The following MAP6 variants were observed in gnomAD, a reference collection of about 807,000 sequenced individuals.
MAP6 encodes the protein microtubule associated protein 6, also known as microtubule-associated protein 6.
A neutral mutation model predicts 42.4 loss-of-function variants in MAP6; 26 were observed. The observed-to-expected ratio is 0.61, with a 90% CI of 0.45 to 0.85. MAP6 has a LOEUF of 0.85. Ranked by LOEUF, MAP6 falls within the 40% of genes least tolerant of loss-of-function variation. The pLI is 0.00. For synonymous variants in MAP6, 418 were observed against 443.8 expected, an observed-to-expected ratio of 0.94 and a Z score of 0.73; for missense variants, 966 against 1,099.0, an observed-to-expected ratio of 0.88 and a Z score of 1.71.
At chr11:75,598,291 G>C (rs539615763) in intron 3 of MAP6, among the ~76,000 whole-genome samples, 174 of 152,304 alleles carry the variant, frequency 1.1e-3, no homozygotes, top group African/African-American at 4.0e-3. Flanking sequence ...TTAGAACCAG[G>C]CCTGTTGGTT....
chr11:75,641,836 T>C (rs749191596), intron 1 of MAP6, among the ~76,000 whole-genome samples: 9 of 152,186 alleles, frequency 5.9e-5, no homozygotes, highest in Non-Finnish European at 1.0e-4. Context: ...AGAATTCTAC[T>C]CAACCCCCAG....
intron 3 of MAP6, chr11:75,604,707 G>C (rs1450137921): frequency 2.0e-6 from 2 of 985,334 alleles, no homozygotes; most frequent in African/African-American, 3.5e-5. Flanking sequence ...ACACGACACG[G>C]AATATACTGA....
chr11:75,610,237 G>A (rs1590766429), intron 1 of MAP6, among the ~76,000 whole-genome samples: 1 of 152,104 alleles, frequency 6.6e-6, no homozygotes, highest in East Asian at 1.9e-4. Flanking sequence ...TCTGTTATAG[G>A]CAACAGAAAA....
At chr11:75,589,390 G>A (rs888533540) in intron 3 of MAP6, among the ~76,000 whole-genome samples, 1 of 152,208 alleles carries the variant, frequency 6.6e-6, no homozygotes, top group Admixed American at 6.5e-5. Context: ...AGGCCATGTT[G>A]GAAGTCGAGA....
At chr11:75,653,760 A>C (rs939866622) in intron 1 of MAP6, among the ~76,000 whole-genome samples, 3 of 152,248 alleles carry the variant, frequency 2.0e-5, no homozygotes, top group African/African-American at 7.2e-5. Flanking sequence ...TGGACTAAAA[A>C]AATACACATA....
chr11:75,647,343 T>A (rs1241859023), intron 1 of MAP6, among the ~76,000 whole-genome samples: 3 of 45,546 alleles, frequency 6.6e-5, no homozygotes, highest in African/African-American at 2.0e-4. Flanking sequence ...AAAACCCACC[T>A]GATCAAAAAA....
chr11:75,599,314 C>T (rs950488523), intron 3 of MAP6, among the ~76,000 whole-genome samples: 1 of 152,102 alleles, frequency 6.6e-6, no homozygotes, highest in South Asian at 2.1e-4. Flanking sequence ...ATTCCACTGG[C>T]TGAAATAAAA....
chr11:75,657,865 C>T (rs1297755810), intron 1 of MAP6, among the ~76,000 whole-genome samples: 1 of 152,188 alleles, frequency 6.6e-6, no homozygotes, highest in Non-Finnish European at 1.5e-5. Context: ...CTTGTGATTA[C>T]ACTGAACCCA....
At chr11:75,608,597 T>C (rs1054659621) in intron 1 of MAP6, among the ~76,000 whole-genome samples, 1 of 152,220 alleles carries the variant, frequency 6.6e-6, no homozygotes, top group Non-Finnish European at 1.5e-5. Context: ...CAGGCAATTC[T>C]AATCTTCAGG....
In MAP6 at chr11:75,668,199, G is replaced by C; in HGVS notation, c.171C>G (p.Leu57=). The C allele has an allele frequency of 7.9e-7, 1 of 1,258,158 alleles. No individual in the cohort carries two copies. Among genetic ancestry groups the C allele is most frequent in the Non-Finnish European group, 9.9e-7 (1 of 1,009,760 alleles). 77.9% of individuals were successfully genotyped at this position (1,258,158 alleles called of 1,614,324 possible). ...PPPQQQAQPA[L]APPSARAVAI... is the part of the protein sequence containing the mutation. ...CAACCGCGCGCGCCGAGGGGGGCGCGAGCGCCGGCTGCGCCTGCTGCTGCG... is the reference window on the plus strand; with the variant it reads ...CAACCGCGCGCGCCGAGGGGGGCGCCAGCGCCGGCTGCGCCTGCTGCTGCG... Residue 57 remains leucine (L), a synonymous_variant, in exon 1 of 4, where the codon CTC becomes CTG. Transcript: ENST00000304771.
chr11:75,652,820 T>C (rs1000147756), intron 1 of MAP6, among the ~76,000 whole-genome samples: 2 of 150,130 alleles, frequency 1.3e-5, no homozygotes, highest in Non-Finnish European at 3.0e-5. Context: ...GCCTGGGCGA[T>C]TGAGACTCCA....
chr11:75,617,536 A>G (rs896034044), intron 1 of MAP6, among the ~76,000 whole-genome samples: 1 of 150,658 alleles, frequency 6.6e-6, no homozygotes, highest in African/African-American at 2.4e-5. Context: ...AAAAAAAAAA[A>G]AAAAACCCAA....
intron 3 of MAP6, among the ~76,000 whole-genome samples, chr11:75,590,976 A>T (rs1565251807): frequency 6.6e-6 from 1 of 152,154 alleles, no homozygotes; most frequent in Non-Finnish European, 1.5e-5. Context: ...CCAGGAAAAA[A>T]AAAAAGAAAA....
intron 3 of MAP6, chr11:75,603,539 T>C: frequency 1.0e-6 from 1 of 974,840 alleles, no homozygotes; most frequent in Non-Finnish European, 1.2e-6. Flanking sequence ...AAAGACATGC[T>C]ACAGGTCCTC....
intron 3 of MAP6, among the ~76,000 whole-genome samples, chr11:75,590,315 G>GA (rs1225287329): frequency 6.6e-6 from 1 of 151,698 alleles, no homozygotes; most frequent in African/African-American, 2.4e-5. Flanking sequence ...AGGGACAAAA[G>GA]AAAAAAAAGG....
chr11:75,630,701 T>C (rs1246943943), intron 1 of MAP6, among the ~76,000 whole-genome samples: 1 of 152,226 alleles, frequency 6.6e-6, no homozygotes, highest in Non-Finnish European at 1.5e-5. Context: ...CTGAACTGAG[T>C]TCCAGCTTCC....
At chr11:75,642,605 G>A (rs1943491410) in intron 1 of MAP6, 1 of 181,192 alleles carries the variant, frequency 5.5e-6, no homozygotes, top group Admixed American at 5.6e-5. Context: ...AGACAATGAA[G>A]AGAACATCCC....
chr11:75,618,647 C>G (rs1484348853), intron 1 of MAP6, among the ~76,000 whole-genome samples: 1 of 152,114 alleles, frequency 6.6e-6, no homozygotes, highest in African/African-American at 2.4e-5. Flanking sequence ...GGGAGTCCCT[C>G]TCACCTGCTT....
intron 1 of MAP6, among the ~76,000 whole-genome samples, chr11:75,618,771 A>C (rs61895123): frequency 0.079 from 12,051 of 152,050 alleles, 696 homozygotes; most frequent in African/African-American, 0.16. Flanking sequence ...GGCCCCCCTA[A>C]ATTGACCTCC....
Sources: allele counts gnomAD v4.1 joint callset (sites outside exome capture counted in the v4.1 genomes callset), GRCh38; gene constraint gnomAD v4.1.1; transcripts MANE v1.5; gene names NCBI Gene and HGNC (gene_info 2026-07-23, HGNC 2026-07-21).